The following PARK7 variants were observed in gnomAD, a reference collection of about 807,000 sequenced individuals.
PARK7 encodes the protein Parkinson disease protein 7.
Under a neutral mutation model 20.5 loss-of-function variants are expected in PARK7, and 14 were observed. The observed-to-expected ratio is 0.68, with a 90% CI of 0.45 to 1.07. The LOEUF is 1.07. PARK7 is among the 50% of genes least tolerant of loss of function. PARK7 has a pLI of 0.00. For synonymous variants in PARK7, 98 were observed against 84.3 expected, an observed-to-expected ratio of 1.16 and a Z score of -0.89; for missense variants, 234 against 238.1, an observed-to-expected ratio of 0.98 and a Z score of 0.11.
At chr1:7,969,830 G>A (rs973330981) in intron 4 of PARK7, among the ~76,000 whole-genome samples, 4 of 151,536 alleles carry the variant, frequency 2.6e-5, no homozygotes, top group African/African-American at 9.7e-5. Flanking sequence ...CGCCCACCTC[G>A]GCCTCCCAAA....
intron 6 of PARK7, among the ~76,000 whole-genome samples, chr1:7,980,781 C>T (rs1640693693): frequency 6.6e-6 from 1 of 152,164 alleles, no homozygotes; most frequent in Non-Finnish European, 1.5e-5. Flanking sequence ...TGGGTGAGGC[C>T]CTTGTCCTCA....
chr1:7,984,916 T>A lies in PARK7; in HGVS notation c.432T>A (p.Asn144Lys), dbSNP rs1463405206. The stretch of plus-strand genomic sequence containing the variant: ...CAGGTCATTACACCTACTCTGAGAA[T>A]CGTGTGGAAAAAGACGGCCTGATTC... ...MNGGHYTYSE[N>K]RVEKDGLILT... is the part of the protein sequence containing the mutation. The change falls in exon 7 of 7, where the codon AAT (asparagine) becomes AAA (lysine). Residue 144 changes from asparagine to lysine, a missense_variant. Transcript: ENST00000338639. The surrounding 1 kb of genome is among the most constrained non-coding windows in gnomAD (Gnocchi z 4.3). 6.2e-7 allele frequency: 1 copy of A among 1,614,160 alleles called. No individual in the cohort carries two copies. The highest frequency in any genetic ancestry group is 8.5e-7 in the Non-Finnish European group (1 of 1,180,040).
intron 6 of PARK7, among the ~76,000 whole-genome samples, chr1:7,982,415 A>G (rs1320325111): frequency 6.6e-6 from 1 of 152,188 alleles, no homozygotes; most frequent in Non-Finnish European, 1.5e-5. Context: ...ATAGGGTCAC[A>G]ATCCCAGCCT....
intron 4 of PARK7, among the ~76,000 whole-genome samples, chr1:7,970,039 C>A (rs935449249): frequency 1.3e-5 from 2 of 150,202 alleles, no homozygotes; most frequent in Admixed American, 1.3e-4. Flanking sequence ...AAAAAATTTT[C>A]TTTTAATTAG....
Position 7,962,805 on chromosome 1 carries a change from T to G in PARK7, c.20T>G (p.Leu7Arg). MASKRALVILAKGAEEM... is the reference protein window; with the variant it reads MASKRARVILAKGAEEM... ...ATAAAAATGGCTTCCAAAAGAGCTC[T>G]GGTCATCCTGGCTAAAGGAGCAGAG... The change falls in exon 2 of 7, where the codon CTG (leucine) becomes CGG (arginine). Residue 7 changes from leucine (L) to arginine (R), a missense_variant. Leu to Arg is a moderately radical substitution (Grantham distance 102). Coordinates refer to ENST00000338639, the MANE Select transcript of PARK7 (RefSeq NM_007262.5). 1.2e-6 allele frequency: 2 copies of G among 1,612,804 alleles called. No individual in the cohort carries two copies. Among genetic ancestry groups the G allele is most frequent in the Non-Finnish European group, 1.7e-6 (2 of 1,179,334 alleles).
At chr1:7,982,796 C>G (rs1640738980) in intron 6 of PARK7, 2 of 152,330 alleles carry the variant, frequency 1.3e-5, no homozygotes, top group Middle Eastern at 6.8e-3. Flanking sequence ...ACTAGGGATC[C>G]TCTTTTTCTC....
intron 6 of PARK7, chr1:7,982,967 A>G (rs959750253): frequency 6.6e-6 from 1 of 152,232 alleles, no homozygotes; most frequent in Non-Finnish European, 1.5e-5. Context: ...GAGATAACTC[A>G]CTGCCTTCGA....
chr1:7,980,181 G>T (rs1640681959), intron 6 of PARK7, among the ~76,000 whole-genome samples: 1 of 150,692 alleles, frequency 6.6e-6, no homozygotes, highest in African/African-American at 2.4e-5. Flanking sequence ...AAAAAAATTG[G>T]TACTTTTTAA....
intron 3 of PARK7, among the ~76,000 whole-genome samples, chr1:7,967,017 C>G (rs1640344579): frequency 6.6e-6 from 1 of 152,184 alleles, no homozygotes; most frequent in South Asian, 2.1e-4. Context: ...CCTATTCCTC[C>G]TATCTAGCTA....
chr1:7,962,949 A>G, intron 2 of PARK7, 74 bp downstream of exon 2: 4 of 1,189,352 alleles, frequency 3.4e-6, no homozygotes, highest in East Asian at 2.3e-5. Context: ...TGAATAAAAT[A>G]TTCAAAGTGC....
chr1:7,978,153 C>T (rs752356194), intron 6 of PARK7, among the ~76,000 whole-genome samples: 7 of 151,314 alleles, frequency 4.6e-5, no homozygotes, highest in East Asian at 2.0e-4. Context: ...TGCTCCACCA[C>T]GCCTGGCTAA....
At chr1:7,973,831 C>T (rs1228137255) in intron 5 of PARK7, among the ~76,000 whole-genome samples, 1 of 151,652 alleles carries the variant, frequency 6.6e-6, no homozygotes, top group Non-Finnish European at 1.5e-5. Flanking sequence ...TCGCTTGAAC[C>T]CGGGAGGCGG....
chr1:7,964,114 C>A (rs532175308), intron 2 of PARK7, among the ~76,000 whole-genome samples: 2 of 152,252 alleles, frequency 1.3e-5, no homozygotes. Flanking sequence ...CACCCGCCCC[C>A]ACGCATGTCT....
rs557614922 is a variant in PARK7, at chr1:7,966,729, A to C, written c.192+1304A>C. Among the ~76,000 whole-genome samples the C allele has an allele frequency of 8.5e-5, 13 of 152,110 alleles. 1 individual carries two copies. The South Asian group carries it at 1.0e-3, about 12-fold the overall frequency. On this transcript the variant is annotated intron_variant, in intron 3 of 6. Coordinates refer to ENST00000338639, the MANE Select transcript of PARK7 (RefSeq NM_007262.5). The stretch of plus-strand genomic sequence containing the variant: ...AGACCCTGTCTCAAAAATAATAATA[A>C]TACTTTTTTTCATCTCTGTTTGTGT...
At chr1:7,978,583 C>T (rs1315329441) in intron 6 of PARK7, among the ~76,000 whole-genome samples, 3 of 151,904 alleles carry the variant, frequency 2.0e-5, no homozygotes, top group Non-Finnish European at 1.5e-5. Context: ...GTGGCTTCCG[C>T]CTGTAATCCC....
At position 7,984,923 on chromosome 1, in the gene PARK7, G is replaced by GA. The variant is rs1357585304; in HGVS notation, c.444dup (p.Asp149ArgfsTer22). ...TTACACCTACTCTGAGAATCGTGTG[G>GA]AAAAAGACGGCCTGATTCTTACAAG... is the stretch of plus-strand genomic sequence containing the variant. On this transcript the variant is annotated frameshift_variant, in exon 7 of 7. Transcript: ENST00000338639. LOFTEE classifies it high-confidence loss of function. This position sits in a 1 kb window ranked among gnomAD's most constrained non-coding sequence, Gnocchi z 4.3. The GA allele has an allele frequency of 1.2e-6, 2 of 1,614,140 alleles. No individual in the cohort carries two copies. The highest frequency in any genetic ancestry group is 1.7e-6 in the Non-Finnish European group (2 of 1,180,028).
At chr1:7,971,217 A>G (rs888764720) in intron 5 of PARK7, 4 of 527,720 alleles carry the variant, frequency 7.6e-6, no homozygotes, top group Non-Finnish European at 1.0e-5. Context: ...ACCTCGGAGG[A>G]AAATAAGGCC....
At chr1:7,962,708 A>C in intron 1 of PARK7, 55 bp from the exon 2 acceptor site, 12 of 1,160,476 alleles carry the variant, frequency 1.0e-5, no homozygotes, top group Non-Finnish European at 1.5e-5. Context: ...ATTTTGGGGT[A>C]TCTCAGGGTT....
Position 7,984,896 on chromosome 1 carries a change from C to G in PARK7, c.412C>G (p.His138Asp). 1 of 1,614,122 alleles carries G rather than the reference C, an allele frequency of 6.2e-7. No homozygotes were observed. Among genetic ancestry groups the G allele is most frequent in the Non-Finnish European group, 8.5e-7 (1 of 1,180,034 alleles). ...LAKDKMMNGG[H>D]YTYSENRVEK... ...CCTTTTCTGTTTCTACTTTGCAGGTCATTACACCTACTCTGAGAATCGTGT... is the reference window on the plus strand; with the variant it reads ...CCTTTTCTGTTTCTACTTTGCAGGTGATTACACCTACTCTGAGAATCGTGT... Residue 138 changes from histidine (H) to aspartate (D), a missense_variant and splice_region_variant, in exon 7 of 7, where the codon CAT (histidine) becomes GAT (aspartate). Coordinates refer to ENST00000338639, the MANE Select transcript of PARK7 (RefSeq NM_007262.5). The surrounding 1 kb of genome is among the most constrained non-coding windows in gnomAD (Gnocchi z 4.3).
Sources: allele counts gnomAD v4.1 joint callset (sites outside exome capture counted in the v4.1 genomes callset), GRCh38; gene constraint gnomAD v4.1.1; non-coding constraint Gnocchi (gnomAD v3.1); transcripts MANE v1.5; gene names NCBI Gene and HGNC (gene_info 2026-07-23, HGNC 2026-07-21).